DNAAF9: variants seen among roughly 807,000 people sequenced by gnomAD.
The protein encoded by DNAAF9 is shulin.
Under a neutral mutation model 167.0 loss-of-function variants are expected in DNAAF9, and 90 were observed. The observed-to-expected ratio is 0.54, with a 90% CI of 0.45 to 0.64. DNAAF9 has a LOEUF of 0.64. Among genes scored for constraint, DNAAF9 ranks in the 30% least tolerant of loss-of-function variants. DNAAF9 has a pLI of 0.00. For synonymous variants in DNAAF9, 491 were observed against 508.8 expected, an observed-to-expected ratio of 0.96 and a Z score of 0.47; for missense variants, 1,315 against 1,442.2, an observed-to-expected ratio of 0.91 and a Z score of 1.43.
intron 29 of DNAAF9, among the ~76,000 whole-genome samples, chr20:3,276,147 G>C (rs2068672319): frequency 6.6e-6 from 1 of 152,176 alleles, no homozygotes; most frequent in African/African-American, 2.4e-5. Flanking sequence ...GGAGCAAAGG[G>C]AGGAAATATG....
At chr20:3,321,311 A>G (rs1422084932) in intron 16 of DNAAF9, among the ~76,000 whole-genome samples, 1 of 152,204 alleles carries the variant, frequency 6.6e-6, no homozygotes, top group African/African-American at 2.4e-5. Context: ...GGTGTAGCCT[A>G]CTATACACCT....
intron 6 of DNAAF9, chr20:3,362,331 C>T (rs987993605): frequency 1.4e-5 from 11 of 762,122 alleles, no homozygotes; most frequent in Middle Eastern, 3.8e-4. Flanking sequence ...CCATCTTGCA[C>T]TGCTGTCGCT....
At chr20:3,266,162 AG>A (rs1244365738) in intron 30 of DNAAF9, among the ~76,000 whole-genome samples, 1 of 152,222 alleles carries the variant, frequency 6.6e-6, no homozygotes, top group African/African-American at 2.4e-5. Flanking sequence ...ATTAATACCC[AG>A]GTGGTGTTGC....
At chr20:3,406,985 A>G (rs900717389) in intron 1 of DNAAF9, among the ~76,000 whole-genome samples, 8 of 151,708 alleles carry the variant, frequency 5.3e-5, no homozygotes, top group Non-Finnish European at 1.0e-4. Flanking sequence ...GGGGCTTTCT[A>G]GGTAATCCAT....
At chr20:3,290,519 A>C (rs989111701) in intron 25 of DNAAF9, among the ~76,000 whole-genome samples, 1 of 152,236 alleles carries the variant, frequency 6.6e-6, no homozygotes, top group African/African-American at 2.4e-5. Flanking sequence ...GCATATTGTG[A>C]ATAGATTAGT....
chr20:3,295,913 A>G, intron 23 of DNAAF9: 6 of 1,505,632 alleles, frequency 4.0e-6, no homozygotes, highest in Non-Finnish European at 9.2e-7. Flanking sequence ...ATGTTCTCTC[A>G]GTAAACTCAG....
At chr20:3,317,560 CAACCT>C (rs2069526752) in intron 17 of DNAAF9, among the ~76,000 whole-genome samples, 1 of 151,814 alleles carries the variant, frequency 6.6e-6, no homozygotes, top group Non-Finnish European at 1.5e-5. Flanking sequence ...AATATTTTGC[CAACCT>C]AACAGGTAAA....
rs552655789 is a variant in DNAAF9, at chr20:3,250,754, G to C, written c.*1818C>G. 11 of 152,366 alleles carry C rather than the reference G, an allele frequency of 7.2e-5. No homozygotes were observed. The highest frequency in any genetic ancestry group is 2.4e-4 in the African/African-American group (10 of 41,594). The allele number at this position is 152,366 out of a possible 1,614,324, so 9.4% of individuals were successfully genotyped here. ...GAAATGGCTCAAGCTCCTAAAGCTA[G>C]AGCTTTCATTTAAAACTTCACAGCA... On this transcript the variant is annotated 3_prime_UTR_variant, in exon 37 of 37. Coordinates refer to ENST00000252032, the MANE Select transcript of DNAAF9 (RefSeq NM_001009984.3).
At chr20:3,389,460 AT>A (rs986440237) in intron 1 of DNAAF9, among the ~76,000 whole-genome samples, 3 of 151,962 alleles carry the variant, frequency 2.0e-5, no homozygotes, top group Non-Finnish European at 4.4e-5. Flanking sequence ...AATTTTAAAA[AT>A]TTTTTTAGAA....
intron 3 of DNAAF9, 62 bp from the exon 4 acceptor site, chr20:3,376,364 G>T (rs1444726472): frequency 2.9e-6 from 4 of 1,372,044 alleles, no homozygotes; most frequent in Non-Finnish European, 4.0e-6. Context: ...GATATTTTCT[G>T]CCCACATAAT....
At chr20:3,338,134 T>C (rs1169628138) in intron 10 of DNAAF9, among the ~76,000 whole-genome samples, 1 of 151,188 alleles carries the variant, frequency 6.6e-6, no homozygotes, top group East Asian at 1.9e-4. Context: ...CACTTAACAT[T>C]TCTTACAGGA....
At chr20:3,303,045 T>C (rs1040164897) in intron 21 of DNAAF9, among the ~76,000 whole-genome samples, 3 of 152,158 alleles carry the variant, frequency 2.0e-5, no homozygotes, top group Non-Finnish European at 4.4e-5. Context: ...GAGACTGTCC[T>C]GGCTAACATA....
chr20:3,343,234 C>G (rs532562855), intron 9 of DNAAF9, among the ~76,000 whole-genome samples: 3 of 152,302 alleles, frequency 2.0e-5, no homozygotes, highest in Non-Finnish European at 2.9e-5. Context: ...ACGATCTCGG[C>G]TCACTGCAAC....
intron 6 of DNAAF9, among the ~76,000 whole-genome samples, chr20:3,372,235 G>A (rs1487263688): frequency 6.6e-6 from 1 of 152,218 alleles, no homozygotes; most frequent in Admixed American, 6.5e-5. Flanking sequence ...GGAGTAGAGA[G>A]GGCACTGGCA....
At chr20:3,292,381 G>A (rs562993561) in intron 25 of DNAAF9, among the ~76,000 whole-genome samples, 6 of 152,278 alleles carry the variant, frequency 3.9e-5, no homozygotes, top group South Asian at 2.1e-4. Context: ...AAAAAATGAC[G>A]TTTCTCATTG....
chr20:3,259,125 A>G (rs982459713), intron 33 of DNAAF9, among the ~76,000 whole-genome samples: 1 of 152,216 alleles, frequency 6.6e-6, no homozygotes, highest in Non-Finnish European at 1.5e-5. Flanking sequence ...TGAAGAGCTC[A>G]GCACTGGGGC....
chr20:3,334,637 C>T (rs1310922873), intron 10 of DNAAF9, among the ~76,000 whole-genome samples: 2 of 152,196 alleles, frequency 1.3e-5, no homozygotes, highest in Admixed American at 1.3e-4. Flanking sequence ...AACTGTCTTC[C>T]AAAGTGACTG....
chr20:3,318,170 A>C, intron 17 of DNAAF9, 119 bp downstream of exon 17: 1 of 532,846 alleles, frequency 1.9e-6, no homozygotes, highest in South Asian at 2.2e-5. Context: ...TGCTGTGATC[A>C]TCAGTTCTAA....
chr20:3,287,785 A>G lies in DNAAF9; in HGVS notation c.2333T>C (p.Met778Thr). Residue 778 changes from methionine to threonine, a missense_variant, in exon 27 of 37, where the codon ATG becomes ACG. Met to Thr is a moderately conservative substitution (Grantham distance 81). This residue lies in a region of DNAAF9 where 981 missense variants were observed against 1,012.5 expected (regional missense o/e 0.97). Transcript: ENST00000252032. ...VTLHKECGRW[M>T]VYRQIMDSSE... ...GCTGTCCATGATTTGGCGATACACC[A>G]TCCATCTGGAAAGGTAAAAGGTAAC... 1 of 1,614,174 alleles carries G rather than the reference A, an allele frequency of 6.2e-7. No individual in the cohort carries two copies. Among genetic ancestry groups the G allele is most frequent in the South Asian group, 1.1e-5 (1 of 91,074 alleles).
Sources: allele counts gnomAD v4.1 joint callset (sites outside exome capture counted in the v4.1 genomes callset), GRCh38; gene constraint gnomAD v4.1.1; regional missense constraint gnomAD v4.1.1; transcripts MANE v1.5; gene names NCBI Gene and HGNC (gene_info 2026-07-23, HGNC 2026-07-21).